The following GREB1 variants were observed in gnomAD, a reference collection of about 807,000 sequenced individuals.
GREB1 encodes the protein protein GREB1.
GREB1 carries 106 observed loss-of-function variants against 200.7 expected under a neutral mutation model. That is an observed-to-expected ratio of 0.53 (90% CI 0.45 to 0.62). The LOEUF is 0.62. GREB1 is among the 20% of genes least tolerant of loss of function. The pLI is 0.00. For synonymous variants in GREB1, 1,132 were observed against 1,092.4 expected (o/e 1.04, Z -0.72); for missense variants, 2,243 against 2,556.8 (o/e 0.88, Z 2.65).
intron 10 of GREB1, chr2:11,592,174 T>C: frequency 1.3e-6 from 1 of 791,630 alleles, no homozygotes; most frequent in Non-Finnish European, 1.5e-6. Context: ...TTTGGCTTCC[T>C]ACTTTTTTTT....
Position 11,513,073 on chromosome 2 carries a change from T to TA in GREB1, c.-159+30699dup, listed in dbSNP as rs144776636. Among the ~76,000 whole-genome samples, 772 of 152,256 alleles carry TA rather than the reference T, an allele frequency of 5.1e-3. 4 individuals carry two copies. The highest frequency in any genetic ancestry group is 0.016 in the African/African-American group (649 of 41,528). ...TGTTCTGGAGCTGAAGCGCAAAGCT[T>TA]AAAAAAATGGACTTAATTGGGTCTG... On this transcript the variant is annotated intron_variant, in intron 1 of 2. Coordinates refer to the GREB1 transcript ENST00000628795.
chr2:11,513,178 A>C (rs1363868227), intron 1 of GREB1, among the ~76,000 whole-genome samples: 1 of 152,188 alleles, frequency 6.6e-6, no homozygotes, highest in South Asian at 2.1e-4. Flanking sequence ...AGGATGAATC[A>C]AATCTGTCTA....
chr2:11,640,421 G>A lies in GREB1; in HGVS notation c.5817G>A (p.Arg1939=), dbSNP rs1252345455. ...EFQTANARED[R]PLFFLTGRHI is the part of the protein sequence containing the mutation. ...AGACCGCCAATGCCAGGGAAGACCG[G>A]CCGCTCTTTTTTCTGACGGGACGAC... Residue 1939 remains arginine, a synonymous_variant, in exon 33 of 33, where the codon CGG becomes CGA. Transcript: ENST00000381486. This position sits in a 1 kb window ranked among gnomAD's most constrained non-coding sequence, Gnocchi z 4.6. The A allele has an allele frequency of 6.2e-7, 1 of 1,614,206 alleles. No homozygotes were observed. The highest frequency in any genetic ancestry group is 1.7e-5 in the Admixed American group (1 of 60,028).
At chr2:11,588,220 A>C in intron 9 of GREB1, 1 of 916,744 alleles carries the variant, frequency 1.1e-6, no homozygotes, top group Non-Finnish European at 1.3e-6. Context: ...AGAGCAAGAC[A>C]CTGTCTCAAA....
chr2:11,535,709 A>G (rs1674260717), intron 1 of GREB1, among the ~76,000 whole-genome samples: 1 of 152,172 alleles, frequency 6.6e-6, no homozygotes, highest in Non-Finnish European at 1.5e-5. Context: ...GGCTGAGGAA[A>G]GTCTTTAACT....
intron 2 of GREB1, among the ~76,000 whole-genome samples, chr2:11,559,974 C>T (rs1676831375): frequency 6.6e-6 from 1 of 152,200 alleles, no homozygotes; most frequent in Non-Finnish European, 1.5e-5. Context: ...TGGAAACGTT[C>T]AGCTTCTTCT....
chr2:11,594,643 C>T (rs1030828037), intron 11 of GREB1, among the ~76,000 whole-genome samples: 1 of 151,790 alleles, frequency 6.6e-6, no homozygotes, highest in African/African-American at 2.4e-5. Flanking sequence ...GCAAGAGCCA[C>T]CGTGCCCGAC....
chr2:11,585,951 G>A lies in GREB1; in HGVS notation c.1159+46G>A, dbSNP rs145341403. The A allele has an allele frequency of 6.6e-4, 1,053 of 1,602,344 alleles. 5 individuals carry two copies. In the African/African-American group the frequency reaches 0.011, roughly 17 times the overall value. Reference sequence around the variant, plus strand: ...AGTCGTGGGGATGGGAGAACCTAAAGGAAGGCATGAGAAACAGGCAAAAGC... The same window carrying A: ...AGTCGTGGGGATGGGAGAACCTAAAAGAAGGCATGAGAAACAGGCAAAAGC... On this transcript the variant is annotated intron_variant, in intron 9 of 32. Transcript: ENST00000381486.
chr2:11,531,177 A>G (rs144174158), upstream of GREB1, among the ~76,000 whole-genome samples: 1,771 of 152,246 alleles, frequency 0.012, 17 homozygotes, highest in Middle Eastern at 0.031. Flanking sequence ...GCTTCTATTT[A>G]GCTCCCAGTA....
In GREB1 at chr2:11,640,515, T is replaced by C; in HGVS notation, c.*61T>C. ...CTCAGAGCCCTCATGCTGTTGAGGCTAAAGGGAGGCCTGGAACGGTGGGGC... is the reference window on the plus strand; with the variant it reads ...CTCAGAGCCCTCATGCTGTTGAGGCCAAAGGGAGGCCTGGAACGGTGGGGC... On this transcript the variant is annotated 3_prime_UTR_variant, in exon 33 of 33. Transcript: ENST00000381486. The surrounding 1 kb of genome is among the most constrained non-coding windows in gnomAD (Gnocchi z 4.6). The C allele has an allele frequency of 1.3e-6, 2 of 1,574,976 alleles. No homozygotes were observed. Among genetic ancestry groups the C allele is most frequent in the Non-Finnish European group, 1.7e-6 (2 of 1,147,406 alleles).
chr2:11,542,227 A>C (rs912708552), intron 1 of GREB1, among the ~76,000 whole-genome samples: 1 of 152,120 alleles, frequency 6.6e-6, no homozygotes, highest in Non-Finnish European at 1.5e-5. Context: ...CTGGAAGAGG[A>C]AAGTTCTTTG....
intron 1 of GREB1, among the ~76,000 whole-genome samples, chr2:11,549,712 T>A (rs976268586): frequency 6.6e-6 from 1 of 152,254 alleles, no homozygotes; most frequent in Non-Finnish European, 1.5e-5. Context: ...TTCTCCATGT[T>A]TACTTTTTAT....
At chr2:11,489,896 G>A (rs1156952477) in intron 1 of GREB1, among the ~76,000 whole-genome samples, 1 of 151,472 alleles carries the variant, frequency 6.6e-6, no homozygotes, top group Non-Finnish European at 1.5e-5. Flanking sequence ...GTATCTGAAT[G>A]TCAGAACCGT....
Position 11,614,149 on chromosome 2 carries a change from C to T in GREB1, c.3123-942C>T, listed in dbSNP as rs934280725. Among the ~76,000 whole-genome samples, 28 of 135,924 alleles carry T rather than the reference C, an allele frequency of 2.1e-4. 1 individual carries two copies. In the South Asian group the frequency reaches 6.5e-3, roughly 31 times the overall value. 89.2% of individuals were successfully genotyped at this position (135,924 alleles called of 152,430 possible). Reference sequence around the variant, plus strand: ...GATTTTTTTTTTTTTTTTTTTGAGACGGAGTCTCACTCTGTTGCCCAGGCT... The same window carrying T: ...GATTTTTTTTTTTTTTTTTTTGAGATGGAGTCTCACTCTGTTGCCCAGGCT... On this transcript the variant is annotated intron_variant, in intron 19 of 32. Transcript: ENST00000381486.
At chr2:11,603,764 C>A (rs1681993724) in intron 17 of GREB1, among the ~76,000 whole-genome samples, 1 of 152,222 alleles carries the variant, frequency 6.6e-6, no homozygotes, top group African/African-American at 2.4e-5. Flanking sequence ...CGGCCTTTGC[C>A]CTTCCTCTGC....
intron 17 of GREB1, among the ~76,000 whole-genome samples, chr2:11,609,373 A>C (rs1027078487): frequency 4.6e-5 from 7 of 151,834 alleles, no homozygotes; most frequent in African/African-American, 1.2e-4. Flanking sequence ...AGTTCAAGCG[A>C]TTCTCCTGCC....
rs574077372 is a variant in GREB1 at position 11,500,128 on chromosome 2, T to G, written c.-159+17747T>G. Among the ~76,000 whole-genome samples, 357 of 152,286 alleles carry G rather than the reference T, an allele frequency of 2.3e-3. 1 individual carries two copies. Among genetic ancestry groups the G allele is most frequent in the Non-Finnish European group, 4.1e-3 (276 of 68,014 alleles). ...TCCTGAGTAGCTGGGATTACAGGCA[T>G]GCACCACCATGCCTGGCTAGTTTTT... On this transcript the variant is annotated intron_variant, in intron 1 of 2. Coordinates refer to the GREB1 transcript ENST00000628795.
At chr2:11,590,062 C>A (rs371592581) in intron 10 of GREB1, among the ~76,000 whole-genome samples, 14 of 152,168 alleles carry the variant, frequency 9.2e-5, no homozygotes, top group African/African-American at 3.1e-4. Flanking sequence ...GAGGAAAGTG[C>A]CAAGGTTTGG....
In GREB1 at chr2:11,629,896, G is replaced by A. The variant is rs1684749572; in HGVS notation, c.4450-52G>A. ...AGCAGAGTGGGCCTGGGGTCTTCTG[G>A]GAAGCAGGCCGGACTCTGACGGCAA... On this transcript the variant is annotated intron_variant, in intron 25 of 32. Coordinates refer to ENST00000381486, the MANE Select transcript of GREB1 (RefSeq NM_014668.4). This position sits in a 1 kb window ranked among gnomAD's most constrained non-coding sequence, Gnocchi z 5.2. The A allele has an allele frequency of 6.3e-7, 1 of 1,587,056 alleles. No homozygotes were observed. The highest frequency in any genetic ancestry group is 8.6e-7 in the Non-Finnish European group (1 of 1,160,398).
Sources: allele counts gnomAD v4.1 joint callset (sites outside exome capture counted in the v4.1 genomes callset), GRCh38; gene constraint gnomAD v4.1.1; non-coding constraint Gnocchi (gnomAD v3.1); transcripts MANE v1.5; gene names NCBI Gene and HGNC (gene_info 2026-07-23, HGNC 2026-07-21).